KCNN3: variants seen among roughly 807,000 people sequenced by gnomAD.
KCNN3 encodes the protein small conductance calcium-activated potassium channel protein 3.
KCNN3 carries 16 observed loss-of-function variants against 62.9 expected under a neutral mutation model. The observed-to-expected ratio is 0.25, with a 90% CI of 0.17 to 0.39. The LOEUF (loss-of-function observed/expected upper bound fraction) is 0.39. KCNN3 is among the 10% of genes least tolerant of loss of function. KCNN3 has a pLI of 1.00. For missense variants in KCNN3, 599 were observed against 949.4 expected (o/e 0.63, Z 4.85); for synonymous variants, 370 against 389.2 (o/e 0.95, Z 0.58).
chr1:154,811,052 T>C (rs1207278466), intron 2 of KCNN3, among the ~76,000 whole-genome samples: 1 of 152,110 alleles, frequency 6.6e-6, no homozygotes, highest in Non-Finnish European at 1.5e-5. Context: ...ATCACTGAGA[T>C]GATAAAGTAA....
At chr1:154,730,026 G>A (rs1182664012) in intron 4 of KCNN3, among the ~76,000 whole-genome samples, 2 of 152,190 alleles carry the variant, frequency 1.3e-5, no homozygotes, top group African/African-American at 4.8e-5. Context: ...GCAGCCTTGG[G>A]GGCTTTGGGG....
chr1:154,715,792 C>T (rs974580525), intron 5 of KCNN3, among the ~76,000 whole-genome samples: 2 of 152,014 alleles, frequency 1.3e-5, no homozygotes, highest in African/African-American at 4.8e-5. Flanking sequence ...CTGAGATTGC[C>T]ACTTCGTGTA....
chr1:154,801,547 C>A (rs1426941293), intron 2 of KCNN3, among the ~76,000 whole-genome samples: 1 of 152,214 alleles, frequency 6.6e-6, no homozygotes, highest in African/African-American at 2.4e-5. Flanking sequence ...CAAAAAAGTT[C>A]TTTAACTAGG....
intron 2 of KCNN3, among the ~76,000 whole-genome samples, chr1:154,784,300 G>A (rs1394557983): frequency 6.6e-6 from 1 of 152,128 alleles, no homozygotes; most frequent in Non-Finnish European, 1.5e-5. Context: ...GCAACCCAGA[G>A]TGTCCACCCT....
At chr1:154,756,871 G>C (rs2101822010) in intron 3 of KCNN3, among the ~76,000 whole-genome samples, 1 of 152,304 alleles carries the variant, frequency 6.6e-6, no homozygotes, top group Middle Eastern at 3.4e-3. Context: ...TATGCTTTAA[G>C]ATATATTTAA....
Position 154,869,580 on chromosome 1 carries a change from G to C in KCNN3, c.385C>G (p.Gln129Glu), listed in dbSNP as rs1653089440. ...AGCAAGTGGTCATTGAGATTGAGCT[G>C]GCTGCCTTGCCTGGAGGAAGGGTGG... ...ILHPSSRQGS[Q>E]LNLNDHLLGH... Residue 129 changes from glutamine (Q) to glutamate (E), a missense_variant, in exon 1 of 8, where the codon CAG (glutamine) becomes GAG (glutamate). This residue lies in a region of KCNN3 where 112 missense variants were observed against 142.9 expected (regional missense o/e 0.78). Coordinates refer to ENST00000271915, the MANE Select transcript of KCNN3 (RefSeq NM_002249.6). The surrounding 1 kb of genome is among the most constrained non-coding windows in gnomAD (Gnocchi z 6.1). 1 of 1,614,120 alleles carries C rather than the reference G, an allele frequency of 6.2e-7. No homozygotes were observed. The highest frequency in any genetic ancestry group is 1.3e-5 in the African/African-American group (1 of 75,014).
At chr1:154,790,830 G>A (rs1463934176) in intron 2 of KCNN3, among the ~76,000 whole-genome samples, 1 of 152,164 alleles carries the variant, frequency 6.6e-6, no homozygotes, top group Non-Finnish European at 1.5e-5. Context: ...CATCCCCCAT[G>A]TATATACTGT....
Position 154,717,427 on chromosome 1 carries a change from T to TA in KCNN3, c.1702-2425dup, listed in dbSNP as rs1700254564. On this transcript the variant is annotated intron_variant, in intron 5 of 7. Transcript: ENST00000271915. ...TGAGAGCCAGAATCACACAGCTAGC[T>TA]AATGGCAAAGTCAAAACAAGAGCCA... 2.6e-5 allele frequency among the ~76,000 whole-genome samples: 4 copies of TA among 152,276 alleles called. No individual in the cohort carries two copies. The East Asian group carries it at 7.7e-4, about 29-fold the overall frequency.
In KCNN3 at chr1:154,702,503, T is replaced by C. The variant is rs986478591; in HGVS notation, c.*5473A>G. The C allele has an allele frequency of 6.6e-6, 1 of 151,084 alleles. No individual in the cohort carries two copies. Among genetic ancestry groups the C allele is most frequent in the African/African-American group, 2.4e-5 (1 of 41,192 alleles). The allele number at this position is 151,084 out of a possible 1,614,324, so 9.4% of individuals were successfully genotyped here. ...CATTAACATCCTGTCATTCTCTTGT[T>C]GTTCTCGTGGCCAGTGCAGAATGGA... is the stretch of plus-strand genomic sequence containing the variant. On this transcript the variant is annotated 3_prime_UTR_variant, in exon 8 of 8. Transcript: ENST00000271915.
chr1:154,856,905 G>A (rs1039796248), intron 1 of KCNN3, among the ~76,000 whole-genome samples: 1 of 152,214 alleles, frequency 6.6e-6, no homozygotes, highest in Non-Finnish European at 1.5e-5. Context: ...GATGGAAGAA[G>A]TGAGGGTGAG....
At chr1:154,747,872 C>G (rs759898173) in intron 3 of KCNN3, among the ~76,000 whole-genome samples, 1 of 152,214 alleles carries the variant, frequency 6.6e-6, no homozygotes, top group Non-Finnish European at 1.5e-5. Flanking sequence ...CATGCTCCCC[C>G]ACCTCCGAGC....
chr1:154,699,992 T>C lies in KCNN3; in HGVS notation c.*7984A>G, dbSNP rs529689413. The C allele has an allele frequency of 6.6e-6, 1 of 152,358 alleles. No homozygotes were observed. The highest frequency in any genetic ancestry group is 1.9e-4 in the East Asian group (1 of 5,192). The allele number at this position is 152,358 out of a possible 1,614,324, so 9.4% of individuals were successfully genotyped here. A position where few individuals can be genotyped will look rare whatever the true frequency, so the allele number is the denominator to read the frequency against. On this transcript the variant is annotated 3_prime_UTR_variant, in exon 8 of 8. Coordinates refer to ENST00000271915, the MANE Select transcript of KCNN3 (RefSeq NM_002249.6). ...AAAGACTATCTCTTATTGACTTTAT[T>C]ATGTTTGATGTAGACCATCCAAGTT... is the stretch of plus-strand genomic sequence containing the variant.
At chr1:154,803,103 T>A (rs1283914503) in intron 2 of KCNN3, among the ~76,000 whole-genome samples, 3 of 152,126 alleles carry the variant, frequency 2.0e-5, no homozygotes, top group Middle Eastern at 3.2e-3. Context: ...TGTACTGGAC[T>A]TCAGACTGTG....
chr1:154,806,717 T>C (rs558583128), intron 2 of KCNN3, among the ~76,000 whole-genome samples: 64 of 152,320 alleles, frequency 4.2e-4, no homozygotes, highest in African/African-American at 1.3e-3. Flanking sequence ...ATAAAAAATG[T>C]AGCAGCTTCA....
At chr1:154,864,663 G>A (rs997390548) in intron 1 of KCNN3, among the ~76,000 whole-genome samples, 1 of 152,228 alleles carries the variant, frequency 6.6e-6, no homozygotes, top group Admixed American at 6.5e-5. Context: ...AGACACTGTG[G>A]GAGCAGACAG....
intron 5 of KCNN3, among the ~76,000 whole-genome samples, chr1:154,716,078 T>C (rs1700228307): frequency 6.6e-6 from 1 of 152,244 alleles, no homozygotes; most frequent in South Asian, 2.1e-4. Context: ...GGCTGGCTCC[T>C]TCACTGTGCA....
intron 3 of KCNN3, among the ~76,000 whole-genome samples, chr1:154,764,792 G>A (rs1291424011): frequency 2.0e-5 from 3 of 152,028 alleles, no homozygotes; most frequent in Non-Finnish European, 2.9e-5. Context: ...TTGCAACTAC[G>A]CGTAAGTTTA....
intron 2 of KCNN3, among the ~76,000 whole-genome samples, chr1:154,775,757 A>G (rs1486480067): frequency 1.3e-5 from 2 of 152,132 alleles, no homozygotes; most frequent in African/African-American, 4.8e-5. Context: ...GGGTTTTTCC[A>G]GACATAGGTT....
At chr1:154,827,549 A>T (rs565498119) in intron 1 of KCNN3, among the ~76,000 whole-genome samples, 2 of 152,290 alleles carry the variant, frequency 1.3e-5, no homozygotes, top group Admixed American at 1.3e-4. Context: ...CTGTAAGTCC[A>T]ACACTTTGGG....
Sources: allele counts gnomAD v4.1 joint callset (sites outside exome capture counted in the v4.1 genomes callset), GRCh38; gene constraint gnomAD v4.1.1; regional missense constraint gnomAD v4.1.1; non-coding constraint Gnocchi (gnomAD v3.1); transcripts MANE v1.5; gene names NCBI Gene and HGNC (gene_info 2026-07-23, HGNC 2026-07-21).